Variants in NTRK1 observed in about 807,000 individuals in gnomAD.
NTRK1 encodes the protein neurotrophic receptor tyrosine kinase 1.
Under a neutral mutation model 86.8 loss-of-function variants are expected in NTRK1, and 62 were observed. That is an observed-to-expected ratio of 0.71 (90% CI 0.58 to 0.88). NTRK1 has a LOEUF of 0.88. NTRK1 is among the 40% of genes least tolerant of loss of function. NTRK1 has a pLI of 0.00. For synonymous variants in NTRK1, 469 were observed against 456.6 expected (o/e 1.03, Z -0.35); for missense variants, 967 against 1,078.4 (o/e 0.90, Z 1.45).
At chr1:156,869,753 T>C (rs1337211580) in intron 6 of NTRK1, among the ~76,000 whole-genome samples, 1 of 152,258 alleles carries the variant, frequency 6.6e-6, no homozygotes, top group African/African-American at 2.4e-5. Flanking sequence ...CCTTTGTCCT[T>C]AGGCTGGCGA....
In NTRK1 at chr1:156,851,457, G is replaced by A. The variant is rs560767980; in HGVS notation, c.50+9264G>A. 46 of 1,613,996 alleles carry A rather than the reference G, an allele frequency of 2.9e-5. No individual in the cohort carries two copies. In the South Asian group the frequency reaches 4.7e-4, roughly 17 times the overall value. On this transcript the variant is annotated intron_variant, in intron 2 of 16. Coordinates refer to the NTRK1 transcript ENST00000392302. ...TGTCTAGGGATGGGAAGACAGGGCT[G>A]GAGTAGGAGCAAGGAAGGTGATGGG...
rs1447399829 is a variant in NTRK1 at position 156,872,799 on chromosome 1, C to A, written c.851-834C>A. 2.0e-5 allele frequency among the ~76,000 whole-genome samples: 3 copies of A among 151,904 alleles called. No homozygotes were observed. The East Asian group carries it at 5.8e-4, about 30-fold the overall frequency. ...CACGTCATTCTCCTGCTTCAGCCTC[C>A]TGAGTATCTGGGACTACAGGCGCCC... On this transcript the variant is annotated intron_variant, in intron 7 of 16. Transcript: ENST00000524377.
At chr1:156,844,869 G>A (rs913954493) in intron 2 of NTRK1, 12 of 1,612,962 alleles carry the variant, frequency 7.4e-6, no homozygotes, top group Admixed American at 1.7e-5. Flanking sequence ...TCCAGCAGCC[G>A]GGCCAAAAGT....
At chr1:156,865,105 C>T (rs1322040664) in intron 3 of NTRK1, 3 of 432,106 alleles carry the variant, frequency 6.9e-6, no homozygotes, top group South Asian at 2.2e-5. Flanking sequence ...AGGGAGCAAG[C>T]GGCAGGAGCA....
chr1:156,833,344 G>A (rs1654514105), intron 1 of NTRK1, among the ~76,000 whole-genome samples: 2 of 152,234 alleles, frequency 1.3e-5, no homozygotes, highest in Admixed American at 1.3e-4. Context: ...ATCACCTGAG[G>A]TCAGGAGTTC....
chr1:156,845,954 C>CGGT (rs1293651362), intron 2 of NTRK1: 1 of 1,611,706 alleles, frequency 6.2e-7, no homozygotes, highest in South Asian at 1.1e-5. Flanking sequence ...CTGCGCACCG[C>CGGT]GGTGGCAGTA....
chr1:156,833,322 C>T (rs546696080), intron 1 of NTRK1, among the ~76,000 whole-genome samples: 66 of 152,158 alleles, frequency 4.3e-4, no homozygotes, highest in African/African-American at 1.6e-3. Flanking sequence ...TTTGGGAGGC[C>T]GAGGCGGGCA....
upstream of NTRK1, among the ~76,000 whole-genome samples, chr1:156,860,154 G>A (rs1193596503): frequency 3.9e-5 from 6 of 152,252 alleles, no homozygotes; most frequent in Non-Finnish European, 8.8e-5. Context: ...GCCGGGGTCA[G>A]GGACTGAAGC....
chr1:156,826,293 CTTTTTTT>C (rs386368405), intron 1 of NTRK1, among the ~76,000 whole-genome samples: 17 of 88,448 alleles, frequency 1.9e-4, no homozygotes, highest in East Asian at 4.1e-4. Context: ...GACTTGAGCT[CTTTTTTT>C]TTTTTTTTTT....
rs550226269 is a variant in NTRK1 at position 156,853,257 on chromosome 1, T to C, written c.50+11064T>C. On this transcript the variant is annotated intron_variant, in intron 2 of 16. Coordinates refer to the NTRK1 transcript ENST00000392302. ...ATCACTGTGCTGTGGCCACTCTGAT[T>C]AGGAACATAGAACTGCTACCATGAC... 2.0e-5 allele frequency among the ~76,000 whole-genome samples: 3 copies of C among 152,262 alleles called. No homozygotes were observed. In the South Asian group the frequency reaches 6.2e-4, roughly 32 times the overall value.
chr1:156,864,453 G>A, intron 2 of NTRK1, 25 bp downstream of exon 2: 2 of 1,609,212 alleles, frequency 1.2e-6, no homozygotes, highest in Non-Finnish European at 1.7e-6. Context: ...GACTGTGGGT[G>A]TGGAGCTCAG....
In NTRK1 at chr1:156,874,386, CCTT is replaced by C. The variant is rs891423027; in HGVS notation, c.1184_1186del (p.Phe395del). On this transcript the variant is annotated inframe_deletion, in exon 9 of 17. Transcript: ENST00000524377. The stretch of plus-strand genomic sequence containing the variant: ...TCTCTCCTCCCTCCTGCTGCAGTCT[CCTT>C]CTCGCCGGTGGGTGAGTAGCCCAAG... 6.8e-6 allele frequency: 11 copies of C among 1,614,062 alleles called. No individual in the cohort carries two copies. The highest frequency in any genetic ancestry group is 6.7e-5 in the African/African-American group (5 of 74,920).
rs1180252546 is a variant in NTRK1 at position 156,854,260 on chromosome 1, A to T, written c.51-10094A>T. 1 of 1,613,610 alleles carries T rather than the reference A, an allele frequency of 6.2e-7. No homozygotes were observed. Among genetic ancestry groups the T allele is most frequent in the South Asian group, 1.1e-5 (1 of 91,074 alleles). ...CCACCACGCTGCAGTTCTCCAGCTG[A>T]CGAAGCTCTGCCACCTCTGAGCGAA... On this transcript the variant is annotated intron_variant, in intron 2 of 16. Transcript: ENST00000392302. This position sits in a 1 kb window ranked among gnomAD's most constrained non-coding sequence, Gnocchi z 4.2.
intron 1 of NTRK1, chr1:156,816,743 G>A (rs368859715): frequency 1.3e-6 from 2 of 1,564,776 alleles, no homozygotes; most frequent in East Asian, 2.4e-5. Flanking sequence ...AGAGCAGGGT[G>A]TGTGTATGTG....
chr1:156,857,545 C>T (rs1269555996), upstream of NTRK1, among the ~76,000 whole-genome samples: 2 of 152,336 alleles, frequency 1.3e-5, no homozygotes, highest in East Asian at 3.9e-4. Flanking sequence ...ACACTCCCAG[C>T]TGGCATCTGC....
chr1:156,848,416 G>T (rs1461183547), intron 2 of NTRK1, among the ~76,000 whole-genome samples: 1 of 152,110 alleles, frequency 6.6e-6, no homozygotes, highest in African/African-American at 2.4e-5. Context: ...TTTTGGAGAA[G>T]TCTTTCCTGT....
chr1:156,849,509 G>GGGGC, intron 2 of NTRK1: 1 of 1,105,818 alleles, frequency 9.0e-7, no homozygotes, highest in Non-Finnish European at 1.3e-6. Flanking sequence ...GGGGCAGGGG[G>GGGGC]TGGGAAAGGG....
upstream of NTRK1, chr1:156,858,837 CAG>C: frequency 1.7e-6 from 1 of 584,814 alleles, no homozygotes. Context: ...CAGTTGGAGA[CAG>C]AGAGACTCAG....
intron 1 of NTRK1, among the ~76,000 whole-genome samples, chr1:156,830,269 TCAAA>T (rs1654434444): frequency 6.6e-6 from 1 of 152,212 alleles, no homozygotes; most frequent in Non-Finnish European, 1.5e-5. Context: ...AGCAGCTCTG[TCAAA>T]CAGAGGGGGC....
Sources: gnomAD v4.1 joint callset for allele counts (sites outside exome capture counted in the v4.1 genomes callset) on GRCh38, gnomAD v4.1.1 for gene constraint, Gnocchi (gnomAD v3.1) non-coding constraint, MANE v1.5 for transcripts, NCBI Gene and HGNC (gene_info 2026-07-23, HGNC 2026-07-21) for gene names.